PDE1C: variants seen among roughly 807,000 people sequenced by gnomAD.
The protein encoded by PDE1C is dual specificity calcium/calmodulin-dependent 3',5'-cyclic nucleotide phosphodiesterase 1C.
In PDE1C, 62 loss-of-function variants were observed where a neutral mutation model predicts 93.1. The ratio of observed to expected loss-of-function variants is 0.67; its 90% CI spans 0.54 to 0.82. PDE1C has a LOEUF of 0.82. PDE1C is among the 40% of genes least tolerant of loss of function. The pLI is 0.00. For synonymous variants in PDE1C, 325 were observed against 310.1 expected (o/e 1.05, Z -0.50); for missense variants, 742 against 884.6 (o/e 0.84, Z 2.04).
intron 3 of PDE1C, among the ~76,000 whole-genome samples, chr7:32,084,063 G>C (rs1450136315): frequency 2.6e-5 from 4 of 151,980 alleles, no homozygotes; most frequent in Non-Finnish European, 5.9e-5. Flanking sequence ...TGGCAAATTG[G>C]ATAAAGAGTC....
intron 11 of PDE1C, among the ~76,000 whole-genome samples, chr7:31,835,079 C>G (rs1005898357): frequency 6.6e-6 from 1 of 151,210 alleles, no homozygotes; most frequent in East Asian, 2.0e-4. Context: ...TCTCTCTTTG[C>G]TGGCCACCGT....
intron 1 of PDE1C, among the ~76,000 whole-genome samples, chr7:32,390,539 T>C (rs924631490): frequency 5.9e-5 from 8 of 136,006 alleles, no homozygotes; most frequent in Middle Eastern, 3.3e-3. Context: ...AGAGTGATCA[T>C]TGAAAAAAAA....
At chr7:32,076,983 T>A (rs1796394687) in intron 3 of PDE1C, among the ~76,000 whole-genome samples, 2 of 149,666 alleles carry the variant, frequency 1.3e-5, no homozygotes, top group South Asian at 4.2e-4. Flanking sequence ...ACGCCTGTAA[T>A]CCCAGTACTT....
At chr7:32,193,916 G>GT (rs1554283858) in intron 2 of PDE1C, among the ~76,000 whole-genome samples, 24,798 of 114,920 alleles carry the variant, frequency 0.22, 3,364 homozygotes, top group Admixed American at 0.31. Flanking sequence ...GTTTTGTTTT[G>GT]TTTTTTTTTT....
At chr7:31,815,859 C>T in intron 15 of PDE1C, 65 bp downstream of exon 15, 2 of 1,218,510 alleles carry the variant, frequency 1.6e-6, no homozygotes, top group Non-Finnish European at 2.4e-6. Context: ...GGTTGTTCAC[C>T]AGTTTCCATT....
At chr7:31,842,462 T>C (rs1425029738) in intron 9 of PDE1C, among the ~76,000 whole-genome samples, 1 of 152,136 alleles carries the variant, frequency 6.6e-6, no homozygotes, top group African/African-American at 2.4e-5. Flanking sequence ...AAGTCAATTT[T>C]TTAACAGACA....
At chr7:32,125,053 C>A (rs867347658) in intron 3 of PDE1C, among the ~76,000 whole-genome samples, 2 of 152,078 alleles carry the variant, frequency 1.3e-5, no homozygotes, top group South Asian at 2.1e-4. Flanking sequence ...AAAAAGTGGG[C>A]AAATGATATG....
chr7:32,328,770 TAC>T (rs975743744), intron 1 of PDE1C, among the ~76,000 whole-genome samples: 92 of 152,346 alleles, frequency 6.0e-4, no homozygotes, highest in African/African-American at 2.1e-3. Flanking sequence ...CTGCAACGCT[TAC>T]ACAATCTCCA....
At chr7:32,152,429 A>G (rs925341235) in intron 3 of PDE1C, among the ~76,000 whole-genome samples, 4 of 152,216 alleles carry the variant, frequency 2.6e-5, no homozygotes, top group African/African-American at 9.7e-5. Context: ...GGCTTTAACA[A>G]AAGGGCAGGC....
chr7:32,408,806 A>T (rs1785109582), intron 1 of PDE1C, among the ~76,000 whole-genome samples: 1 of 152,260 alleles, frequency 6.6e-6, no homozygotes, highest in African/African-American at 2.4e-5. Context: ...TAAAAAATAA[A>T]TTTTAAAAAA....
At chr7:32,132,073 G>T (rs1270736092) in intron 3 of PDE1C, among the ~76,000 whole-genome samples, 1 of 152,114 alleles carries the variant, frequency 6.6e-6, no homozygotes, top group African/African-American at 2.4e-5. Flanking sequence ...TAATATTAAG[G>T]TAACTGCTGA....
At chr7:31,765,665 A>C (rs1033379553) in intron 17 of PDE1C, among the ~76,000 whole-genome samples, 2 of 152,190 alleles carry the variant, frequency 1.3e-5, no homozygotes, top group Non-Finnish European at 2.9e-5. Flanking sequence ...AGTCCACAGT[A>C]AGTGACAACT....
At chr7:32,039,492 C>T (rs192370335) in intron 2 of PDE1C, among the ~76,000 whole-genome samples, 2 of 152,178 alleles carry the variant, frequency 1.3e-5, no homozygotes, top group Non-Finnish European at 2.9e-5. Flanking sequence ...GAAAAGTCAA[C>T]ACAAAGTCCT....
intron 14 of PDE1C, among the ~76,000 whole-genome samples, chr7:31,819,188 G>T (rs1252385966): frequency 6.6e-6 from 1 of 152,034 alleles, no homozygotes; most frequent in Non-Finnish European, 1.5e-5. Context: ...CCATCTCTTA[G>T]TCACATCTCT....
the PDE1C span, among the ~76,000 whole-genome samples, chr7:31,617,371 C>A: frequency 2.4e-4 from 36 of 152,188 alleles, no homozygotes; most frequent in Admixed American, 9.2e-4. Flanking sequence ...AGGTATCATA[C>A]CTCTATGTAG....
intron 3 of PDE1C, among the ~76,000 whole-genome samples, chr7:32,117,559 T>A (rs1225602372): frequency 6.6e-6 from 1 of 152,194 alleles, no homozygotes; most frequent in Non-Finnish European, 1.5e-5. Flanking sequence ...TTACCCTCAT[T>A]TTAACAGTTG....
In PDE1C at chr7:32,384,879, C is replaced by T. The variant is rs142741939; in HGVS notation, c.310+42943G>A. ...ATTCTGCATTTTTAATGAGTTCCCA[C>T]ATGATGCCAATGGTGCTGGTACATG... On this transcript the variant is annotated intron_variant, in intron 1 of 1. Transcript: ENST00000672256. 3.3e-3 allele frequency among the ~76,000 whole-genome samples: 501 copies of T among 152,272 alleles called. 5 individuals carry two copies. Among genetic ancestry groups the T allele is most frequent in the African/African-American group, 0.011 (470 of 41,550 alleles).
chr7:31,989,555 G>A (rs887143358), intron 2 of PDE1C, among the ~76,000 whole-genome samples: 1 of 151,804 alleles, frequency 6.6e-6, no homozygotes, highest in Non-Finnish European at 1.5e-5. Context: ...TGAGGTTTTT[G>A]CCTTCAGTCA....
chr7:31,728,589 G>A, the PDE1C span, among the ~76,000 whole-genome samples: 1 of 152,042 alleles, frequency 6.6e-6, no homozygotes, highest in Non-Finnish European at 1.5e-5. Flanking sequence ...CATTCCTCAG[G>A]TATTTGTGGA....
Sources: allele counts gnomAD v4.1 joint callset (sites outside exome capture counted in the v4.1 genomes callset), GRCh38; gene constraint gnomAD v4.1.1; transcripts MANE v1.5; gene names NCBI Gene and HGNC (gene_info 2026-07-23, HGNC 2026-07-21).